Variants in GALNT17 observed in about 807,000 individuals in gnomAD.
GALNT17 encodes the protein UDP-GalNAc:polypeptide N-acetylgalactosaminyltransferase-like 3.
Under a neutral mutation model 63.7 loss-of-function variants are expected in GALNT17, and 29 were observed. The observed-to-expected ratio is 0.46, with a 90% CI of 0.34 to 0.62. GALNT17 has a LOEUF of 0.62. Among genes scored for constraint, GALNT17 ranks in the 20% least tolerant of loss-of-function variants. The probability of loss-of-function intolerance (pLI) is 0.01; values close to 1 mark genes in which losing one functional copy is unlikely to be tolerated. For synonymous variants in GALNT17, 305 were observed against 318.3 expected, an observed-to-expected ratio of 0.96 and a Z score of 0.45; for missense variants, 603 against 799.6, an observed-to-expected ratio of 0.75 and a Z score of 2.97.
At chr7:71,321,922 C>CCTTCCTTCCTTCCCCTCCCCCCCT (rs1563001220) in intron 1 of GALNT17, among the ~76,000 whole-genome samples, 1 of 28,436 alleles carries the variant, frequency 3.5e-5, no homozygotes, top group African/African-American at 1.4e-4. Context: ...TTCCTTCCTT[C>CCTTCCTTCCTTCCCCTCCCCCCCT]CCCTCCCTCC....
chr7:71,529,512 A>G (rs528905016), intron 5 of GALNT17, among the ~76,000 whole-genome samples: 1 of 152,340 alleles, frequency 6.6e-6, no homozygotes, highest in South Asian at 2.1e-4. Context: ...ATGCAGAGTT[A>G]TTTATAAAGT....
At chr7:71,594,605 T>A (rs1441317181) in intron 6 of GALNT17, among the ~76,000 whole-genome samples, 1 of 152,066 alleles carries the variant, frequency 6.6e-6, no homozygotes, top group Non-Finnish European at 1.5e-5. Context: ...CAGGATATCA[T>A]GAGAAACTCT....
chr7:71,197,883 A>G (rs1055960269), intron 1 of GALNT17, among the ~76,000 whole-genome samples: 1 of 151,910 alleles, frequency 6.6e-6, no homozygotes, highest in East Asian at 1.9e-4. Context: ...AAATTTCTTT[A>G]TTTATTGTAA....
chr7:71,516,184 G>A (rs1036923525), intron 5 of GALNT17, among the ~76,000 whole-genome samples: 17 of 152,078 alleles, frequency 1.1e-4, no homozygotes, highest in Admixed American at 1.0e-3. Flanking sequence ...ATGTTGTCAG[G>A]GTGAAGGAGG....
intron 1 of GALNT17, among the ~76,000 whole-genome samples, chr7:71,143,228 C>A (rs942089927): frequency 8.6e-5 from 13 of 151,780 alleles, no homozygotes; most frequent in South Asian, 2.1e-4. Flanking sequence ...TCAAGACCAG[C>A]CTGGCCAACA....
intron 9 of GALNT17, among the ~76,000 whole-genome samples, chr7:71,695,630 C>G (rs1222276057): frequency 6.6e-6 from 1 of 152,218 alleles, no homozygotes; most frequent in African/African-American, 2.4e-5. Flanking sequence ...AATCAAGATT[C>G]AGAACATTTC....
intron 5 of GALNT17, among the ~76,000 whole-genome samples, chr7:71,512,286 A>G (rs7802334): frequency 0.96 from 145,598 of 152,150 alleles, 69,687 homozygotes; most frequent in East Asian, 1. Flanking sequence ...GATTATAAGT[A>G]TGAGCCACTG....
intron 5 of GALNT17, among the ~76,000 whole-genome samples, chr7:71,474,887 TAGA>T (rs552469904): frequency 6.5e-4 from 99 of 152,168 alleles, no homozygotes; most frequent in Middle Eastern, 3.4e-3. Flanking sequence ...CAGGTGGCCC[TAGA>T]AGGAGAGAGG....
chr7:71,577,200 A>G (rs1377448188), intron 6 of GALNT17, among the ~76,000 whole-genome samples: 1 of 152,178 alleles, frequency 6.6e-6, no homozygotes, highest in East Asian at 1.9e-4. Flanking sequence ...GACAGACACC[A>G]GGGACTACTA....
intron 2 of GALNT17, among the ~76,000 whole-genome samples, chr7:71,365,508 G>A (rs1792487671): frequency 6.6e-6 from 1 of 152,192 alleles, no homozygotes; most frequent in Admixed American, 6.5e-5. Context: ...CCAAAGTGCT[G>A]GGATTATAGG....
At chr7:71,172,601 C>G (rs1438729564) in intron 1 of GALNT17, among the ~76,000 whole-genome samples, 1 of 152,092 alleles carries the variant, frequency 6.6e-6, no homozygotes, top group African/African-American at 2.4e-5. Flanking sequence ...TAGAGGCCAT[C>G]ACAACTGCTC....
chr7:71,509,566 G>A (rs142256385), intron 5 of GALNT17, among the ~76,000 whole-genome samples: 190 of 152,340 alleles, frequency 1.2e-3, no homozygotes, highest in African/African-American at 4.4e-3. Context: ...TGGCTTTCCT[G>A]AGCCTTAAAC....
intron 5 of GALNT17, among the ~76,000 whole-genome samples, chr7:71,443,002 A>C (rs957606068): frequency 2.0e-5 from 3 of 152,150 alleles, no homozygotes; most frequent in Admixed American, 6.6e-5. Context: ...TCTTTTATGA[A>C]CATTGAATTT....
intron 1 of GALNT17, among the ~76,000 whole-genome samples, chr7:71,216,567 TAC>T (rs775144492): frequency 2.2e-5 from 3 of 137,380 alleles, no homozygotes; most frequent in Non-Finnish European, 1.7e-5. Context: ...AACACACATA[TAC>T]ACACACACAA....
intron 5 of GALNT17, among the ~76,000 whole-genome samples, chr7:71,469,983 C>T (rs1334897901): frequency 3.9e-5 from 6 of 152,234 alleles, no homozygotes; most frequent in Middle Eastern, 3.4e-3. Context: ...CTGAGGCGGA[C>T]GGATAACCTG....
chr7:71,486,717 GC>G (rs1477284081), intron 5 of GALNT17, among the ~76,000 whole-genome samples: 4 of 151,094 alleles, frequency 2.6e-5, no homozygotes, highest in South Asian at 4.2e-4. Flanking sequence ...AAAAAAAAAA[GC>G]CAAGCATGGT....
intron 6 of GALNT17, among the ~76,000 whole-genome samples, chr7:71,582,296 C>T (rs898706843): frequency 6.6e-6 from 1 of 151,666 alleles, no homozygotes; most frequent in East Asian, 1.9e-4. Flanking sequence ...CTGTGGTGGC[C>T]GGGTGCAGTG....
intron 6 of GALNT17, among the ~76,000 whole-genome samples, chr7:71,574,211 T>A (rs539167572): frequency 2.0e-5 from 3 of 152,246 alleles, no homozygotes; most frequent in Non-Finnish European, 4.4e-5. Flanking sequence ...ATGGTAATTC[T>A]ATTTTAAGTT....
chr7:71,466,077 C>T (rs1284839207), intron 5 of GALNT17, among the ~76,000 whole-genome samples: 1 of 152,182 alleles, frequency 6.6e-6, no homozygotes, highest in Admixed American at 6.5e-5. Flanking sequence ...ATTTCCGCCA[C>T]AAAAGATAGC....
Sources: allele counts gnomAD v4.1 joint callset (sites outside exome capture counted in the v4.1 genomes callset), GRCh38; gene constraint gnomAD v4.1.1; transcripts MANE v1.5; gene names NCBI Gene and HGNC (gene_info 2026-07-23, HGNC 2026-07-21).